Variants in ABCC1 observed in about 807,000 individuals in gnomAD.
The protein encoded by ABCC1 is ATP binding cassette subfamily C member 1 (ABCC1 blood group), also known as multidrug resistance-associated protein 1.
Under a neutral mutation model 172.9 loss-of-function variants are expected in ABCC1, and 83 were observed. The ratio of observed to expected loss-of-function variants is 0.48; its 90% CI spans 0.40 to 0.58. The LOEUF (loss-of-function observed/expected upper bound fraction) is 0.58, where lower values mean the gene tolerates loss of function less well. ABCC1 is among the 20% of genes least tolerant of loss of function. The pLI is 0.00. For synonymous variants in ABCC1, 937 were observed against 825.2 expected (o/e 1.14, Z -2.32); for missense variants, 1,817 against 2,002.7 (o/e 0.91, Z 1.77).
At position 16,016,651 on chromosome 16, in the gene ABCC1, C is replaced by A. The variant is rs560380254; in HGVS notation, c.615+30C>A. The A allele has an allele frequency of 3.1e-6, 5 of 1,612,216 alleles. No homozygotes were observed. In the African/African-American group the frequency reaches 4.0e-5, roughly 13 times the overall value. On this transcript the variant is annotated intron_variant, in intron 5 of 30. Coordinates refer to ENST00000399410, the MANE Select transcript of ABCC1 (RefSeq NM_004996.4). Reference sequence around the variant, plus strand: ...GTGTGACCACAGATGAGTGTGTGTGCGTGTGTGTGTGAGAGAGATGCGTGA... The same window carrying A: ...GTGTGACCACAGATGAGTGTGTGTGAGTGTGTGTGTGAGAGAGATGCGTGA...
chr16:16,000,199 T>G (rs766465238), intron 1 of ABCC1, among the ~76,000 whole-genome samples: 1 of 150,260 alleles, frequency 6.7e-6, no homozygotes. Context: ...CAGGTTGGAG[T>G]GCAATGGTGT....
At chr16:16,120,370 A>T (rs1325202120) in intron 23 of ABCC1, among the ~76,000 whole-genome samples, 1 of 152,236 alleles carries the variant, frequency 6.6e-6, no homozygotes, top group Non-Finnish European at 1.5e-5. Context: ...GTGTCCTCAC[A>T]TGGCTGGTGC....
Position 16,114,697 on chromosome 16 carries a change from C to T in ABCC1, c.3080-69C>T, listed in dbSNP as rs539684930. 66 of 1,458,796 alleles carry T rather than the reference C, an allele frequency of 4.5e-5. 1 individual carries two copies. In the South Asian group the frequency reaches 6.4e-4, roughly 14 times the overall value. The allele number at this position is 1,458,796 out of a possible 1,614,324, so 90.4% of individuals were successfully genotyped here. ...TCCAGGCCTGCCTCGTCCACATGGC[C>T]ACTCCTCCCTGCAGTGCCTGGTCAG... On this transcript the variant is annotated intron_variant, in intron 22 of 30. Transcript: ENST00000399410.
chr16:16,137,634 A>G (rs1277496842), intron 29 of ABCC1, among the ~76,000 whole-genome samples: 1 of 130,974 alleles, frequency 7.6e-6, no homozygotes, highest in African/African-American at 2.9e-5. Flanking sequence ...CTCATCTGCA[A>G]CCTCCGCCCC....
At chr16:16,122,518 G>T (rs2045214250) in intron 24 of ABCC1, among the ~76,000 whole-genome samples, 1 of 152,094 alleles carries the variant, frequency 6.6e-6, no homozygotes, top group African/African-American at 2.4e-5. Flanking sequence ...CCGTCTGGGG[G>T]TGATCATGCA....
chr16:16,028,838 A>G (rs2048464278), intron 5 of ABCC1, among the ~76,000 whole-genome samples: 2 of 152,200 alleles, frequency 1.3e-5, no homozygotes, highest in African/African-American at 4.8e-5. Flanking sequence ...GTCATCAGCT[A>G]GAATATAGCA....
chr16:16,068,135 C>T, intron 12 of ABCC1, 21 bp from the exon 13 acceptor site: 2 of 1,613,744 alleles, frequency 1.2e-6, no homozygotes, highest in Non-Finnish European at 1.7e-6. Context: ...CAGCAGTCAG[C>T]ACTGGGCGTT....
At chr16:16,077,729 T>C (rs1173463623) in intron 15 of ABCC1, among the ~76,000 whole-genome samples, 1 of 152,172 alleles carries the variant, frequency 6.6e-6, no homozygotes, top group Non-Finnish European at 1.5e-5. Flanking sequence ...TTTCCACTAA[T>C]ACTCTGAAAT....
At chr16:16,088,834 C>T (rs1369600809) in intron 18 of ABCC1, among the ~76,000 whole-genome samples, 1 of 151,978 alleles carries the variant, frequency 6.6e-6, no homozygotes, top group Non-Finnish European at 1.5e-5. Flanking sequence ...CTGAGTAGCT[C>T]CTGGGACCAC....
At chr16:16,036,645 C>T (rs2048770907) in intron 7 of ABCC1, 42 bp downstream of exon 7, 15 of 1,600,158 alleles carry the variant, frequency 9.4e-6, no homozygotes, top group Non-Finnish European at 1.3e-5. Context: ...CCCTGGTCAC[C>T]TCCTTTCCAC....
intron 17 of ABCC1, among the ~76,000 whole-genome samples, chr16:16,085,238 C>T (rs45442496): frequency 0.02 from 3,000 of 152,308 alleles, 37 homozygotes; most frequent in Non-Finnish European, 0.028. Flanking sequence ...CAGCAACCCC[C>T]AGCCCCTGCC....
intron 15 of ABCC1, among the ~76,000 whole-genome samples, chr16:16,077,710 C>A (rs374206933): frequency 6.6e-6 from 1 of 152,212 alleles, no homozygotes; most frequent in African/African-American, 2.4e-5. Flanking sequence ...ACAGCAACGA[C>A]TATCAGCATT....
At chr16:16,031,081 A>C (rs554011340) in intron 5 of ABCC1, among the ~76,000 whole-genome samples, 180 of 152,170 alleles carry the variant, frequency 1.2e-3, no homozygotes, top group Non-Finnish European at 2.3e-3. Flanking sequence ...ACTCCTGACC[A>C]CAAGTGATCT....
At chr16:16,025,014 A>G (rs2048325513) in intron 5 of ABCC1, among the ~76,000 whole-genome samples, 1 of 143,092 alleles carries the variant, frequency 7.0e-6, no homozygotes, top group African/African-American at 2.5e-5. Flanking sequence ...ACAAAAAAAC[A>G]AAGAAAACAG....
At chr16:15,962,682 C>T (rs1221103196) in intron 1 of ABCC1, among the ~76,000 whole-genome samples, 1 of 152,152 alleles carries the variant, frequency 6.6e-6, no homozygotes, top group African/African-American at 2.4e-5. Context: ...CGGTATAAAA[C>T]CATCAGATCT....
chr16:16,054,680 C>T (rs2049576153), intron 11 of ABCC1, among the ~76,000 whole-genome samples: 1 of 152,016 alleles, frequency 6.6e-6, no homozygotes, highest in Non-Finnish European at 1.5e-5. Context: ...CCTGAGTGGC[C>T]CGACTCAACC....
chr16:16,108,529 A>T (rs2052242201), intron 21 of ABCC1, among the ~76,000 whole-genome samples: 4 of 150,552 alleles, frequency 2.7e-5, no homozygotes, highest in Admixed American at 2.0e-4. Context: ...TCAGCCTCCC[A>T]AAGAGCTGGT....
rs1204215704 is a variant in ABCC1, at chr16:16,141,300, C to A, written c.*19C>A. On this transcript the variant is annotated 3_prime_UTR_variant, in exon 31 of 31. Coordinates refer to ENST00000399410, the MANE Select transcript of ABCC1 (RefSeq NM_004996.4). ...GGTGTGAGCCCCAGAGCTGGCATAT[C>A]TGGTCAGAACTGCAGGGCCTATATG... 1.2e-6 allele frequency: 2 copies of A among 1,609,644 alleles called. No individual in the cohort carries two copies. Among genetic ancestry groups the A allele is most frequent in the African/African-American group, 1.3e-5 (1 of 74,968 alleles).
chr16:16,004,278 T>G (rs1432711195), intron 1 of ABCC1, among the ~76,000 whole-genome samples: 1 of 152,074 alleles, frequency 6.6e-6, no homozygotes, highest in Non-Finnish European at 1.5e-5. Flanking sequence ...TCAGGTCAAT[T>G]AAATGTTTAA....
Sources: gnomAD v4.1 joint callset for allele counts (sites outside exome capture counted in the v4.1 genomes callset) on GRCh38, gnomAD v4.1.1 for gene constraint, MANE v1.5 for transcripts, NCBI Gene and HGNC (gene_info 2026-07-23, HGNC 2026-07-21) for gene names.